WDR73: variants seen among roughly 807,000 people sequenced by gnomAD.
The protein encoded by WDR73 is integrator complex assembly factor WDR73.
A neutral mutation model predicts 38.2 loss-of-function variants in WDR73; 30 were observed. The ratio of observed to expected loss-of-function variants is 0.79; its 90% CI spans 0.59 to 1.06. WDR73 has a LOEUF of 1.06. Ranked by LOEUF, WDR73 falls within the 50% of genes least tolerant of loss-of-function variation. WDR73 has a pLI of 0.00. For synonymous variants in WDR73, 197 were observed against 176.0 expected (o/e 1.12, Z -0.94); for missense variants, 487 against 467.0 (o/e 1.04, Z -0.40).
At chr15:84,645,861 C>G (rs1896438293) in intron 6 of WDR73, 25 bp from the exon 7 acceptor site, 1 of 1,613,130 alleles carries the variant, frequency 6.2e-7, no homozygotes, top group Admixed American at 1.7e-5. Context: ...GCAAAGGAGA[C>G]AAGCGGCTGG....
Position 84,643,508 on chromosome 15 carries a change from G to A in WDR73, c.1099C>T (p.His367Tyr). The A allele has an allele frequency of 1.3e-6, 2 of 1,575,550 alleles. No individual in the cohort carries two copies. Among genetic ancestry groups the A allele is most frequent in the Non-Finnish European group, 8.6e-7 (1 of 1,159,862 alleles). The change falls in exon 8 of 8, where the codon CAT becomes TAT. Residue 367 changes from histidine to tyrosine, a missense_variant. Transcript: ENST00000434634. ...LLSATNDASL[H>Y]VWDWVDLCAP... ...CAAAGGTCCACCCAGTCCCACACATGCAGAGAGGCATCATTTGTTGCTGAT... is the reference window on the plus strand; with the variant it reads ...CAAAGGTCCACCCAGTCCCACACATACAGAGAGGCATCATTTGTTGCTGAT...
chr15:84,648,687 CTAAG>C, intron 3 of WDR73, 62 bp from the exon 4 acceptor site: 1 of 1,340,066 alleles, frequency 7.5e-7, no homozygotes. Flanking sequence ...CAGAGGAACT[CTAAG>C]TGAGGAGTCA....
Position 84,646,220 on chromosome 15 carries a change from C to T in WDR73, c.481G>A (p.Val161Ile), listed in dbSNP as rs368793393. Residue 161 changes from valine (V) to isoleucine (I), a missense_variant, in exon 6 of 8, where the codon GTT becomes ATT. Transcript: ENST00000434634. ...HGARLRSLQVVDLESRKTTYT... is the reference protein window; with the variant it reads ...HGARLRSLQVIDLESRKTTYT... ...GTGGTCTTCCGGGACTCCAGATCAA[C>T]GACCTGCAGACTTCGGAGCCTCGCC... The T allele has an allele frequency of 1.5e-5, 24 of 1,613,868 alleles. No homozygotes were observed. The highest frequency in any genetic ancestry group is 3.3e-5 in the South Asian group (3 of 91,084).
chr15:84,643,931 T>C (rs1896357164), intron 7 of WDR73: 1 of 541,258 alleles, frequency 1.8e-6, no homozygotes, highest in East Asian at 3.8e-5. Context: ...TAATTTGTTC[T>C]ATGGTACCAA....
At chr15:84,646,062 T>C (rs749796420) in intron 6 of WDR73, 122 bp downstream of exon 6, 2 of 1,556,172 alleles carry the variant, frequency 1.3e-6, no homozygotes, top group African/African-American at 2.7e-5. Context: ...GGCTTACCTC[T>C]TATTCACTGT....
intron 3 of WDR73, among the ~76,000 whole-genome samples, chr15:84,651,532 A>G (rs1166110965): frequency 6.6e-6 from 1 of 152,142 alleles, no homozygotes; most frequent in East Asian, 1.9e-4. Flanking sequence ...TCTGATGACT[A>G]ATACCATCCC....
intron 2 of WDR73, 93 bp downstream of exon 2, chr15:84,653,539 C>T: frequency 1.1e-6 from 1 of 886,962 alleles, no homozygotes; most frequent in Admixed American, 2.1e-5. Context: ...CTCAGGTGCC[C>T]AGAAGAGTGG....
In WDR73 at chr15:84,640,724, A is replaced by C. The variant is rs971687620; in HGVS notation, c.*2746T>G. The C allele has an allele frequency of 6.6e-6, 1 of 152,180 alleles. No individual in the cohort carries two copies. The highest frequency in any genetic ancestry group is 1.5e-5 in the Non-Finnish European group (1 of 68,044). 9.4% of individuals were successfully genotyped at this position (152,180 alleles called of 1,614,324 possible). ...TGAAAAATAATAATATTATTAAAAG[A>C]ATTTAAAATAAAGTGTTCCATAGAT... is the stretch of plus-strand genomic sequence containing the variant. On this transcript the variant is annotated 3_prime_UTR_variant, in exon 8 of 8. Coordinates refer to ENST00000434634, the MANE Select transcript of WDR73 (RefSeq NM_032856.5).
In WDR73 at chr15:84,643,441, C is replaced by G; in HGVS notation, c.*29G>C. The G allele has an allele frequency of 6.5e-7, 1 of 1,548,446 alleles. No homozygotes were observed. Among genetic ancestry groups the G allele is most frequent in the East Asian group, 2.4e-5 (1 of 40,922 alleles). On this transcript the variant is annotated 3_prime_UTR_variant, in exon 8 of 8. Transcript: ENST00000434634. ...GCTACTACAGCAGCTCCTCCCCTTT[C>G]TAGAGGCCTAGATGGAAAGATGCTG...
At chr15:84,653,779 C>T in intron 1 of WDR73, 80 bp from the exon 2 acceptor site, 1 of 1,137,634 alleles carries the variant, frequency 8.8e-7, no homozygotes, top group Admixed American at 2.0e-5. Context: ...CCGCATGGTT[C>T]AGTGGCCCAA....
chr15:84,648,907 G>A (rs1896542228), intron 3 of WDR73, among the ~76,000 whole-genome samples: 1 of 152,200 alleles, frequency 6.6e-6, no homozygotes, highest in African/African-American at 2.4e-5. Flanking sequence ...AGAAGCCAGA[G>A]AAGCTTAACA....
In WDR73 at chr15:84,653,711, G is replaced by A; in HGVS notation, c.42-12C>T. The stretch of plus-strand genomic sequence containing the variant: ...AGAAATCCTGGTACCTGCACAAAAG[G>A]GACACAGAATCACACGATGCACAGC... On this transcript the variant is annotated splice_polypyrimidine_tract_variant and intron_variant, in intron 1 of 7. Coordinates refer to ENST00000434634, the MANE Select transcript of WDR73 (RefSeq NM_032856.5). The A allele has an allele frequency of 6.3e-7, 1 of 1,580,938 alleles. No individual in the cohort carries two copies. Among genetic ancestry groups the A allele is most frequent in the South Asian group, 1.2e-5 (1 of 86,440 alleles).
intron 7 of WDR73, chr15:84,644,137 CAG>C (rs1896364590): frequency 6.0e-6 from 1 of 166,626 alleles, no homozygotes; most frequent in African/African-American, 2.4e-5. Context: ...CTGTATGACA[CAG>C]ATACTGTTAT....
intron 4 of WDR73, 117 bp from the exon 5 acceptor site, chr15:84,648,071 C>T (rs371078432): frequency 1.1e-6 from 1 of 871,544 alleles, no homozygotes. Flanking sequence ...CATCTTACTG[C>T]AAGATCATCA....
chr15:84,639,396 A>G lies in WDR73; in HGVS notation c.*4074T>C, dbSNP rs1896189775. On this transcript the variant is annotated 3_prime_UTR_variant, in exon 8 of 8. Transcript: ENST00000434634. ...TTCTTTTCACTGAGCTTTCCCAAGA[A>G]TCCCCCCAGAATTAAAAAAAAAAAA... The G allele has an allele frequency of 6.6e-6, 1 of 151,702 alleles. No homozygotes were observed. The highest frequency in any genetic ancestry group is 1.5e-5 in the Non-Finnish European group (1 of 67,924). The allele number at this position is 151,702 out of a possible 1,614,324, so 9.4% of individuals were successfully genotyped here.
At chr15:84,646,768 G>T (rs1896476691) in intron 5 of WDR73, 1 of 176,718 alleles carries the variant, frequency 5.7e-6, no homozygotes, top group African/African-American at 2.4e-5. Flanking sequence ...GACCTCGAGT[G>T]ACTTGCTAAA....
chr15:84,653,622 G>C lies in WDR73; in HGVS notation c.109+10C>G. Reference sequence around the variant, plus strand: ...ATTCCCTCTCCTTCAGGGCTAGAAAGGTATACCACCTTTGTCATCAATCCA... The same window carrying C: ...ATTCCCTCTCCTTCAGGGCTAGAAACGTATACCACCTTTGTCATCAATCCA... On this transcript the variant is annotated intron_variant, in intron 2 of 7. Transcript: ENST00000434634. 6.3e-7 allele frequency: 1 copy of C among 1,580,624 alleles called. No homozygotes were observed. The highest frequency in any genetic ancestry group is 8.6e-7 in the Non-Finnish European group (1 of 1,161,712).
chr15:84,646,398 A>T (rs775887089), intron 5 of WDR73, 50 bp from the exon 6 acceptor site: 5 of 1,570,708 alleles, frequency 3.2e-6, no homozygotes, highest in Non-Finnish European at 4.3e-6. Flanking sequence ...GAAGGTTTGA[A>T]ACATGACAGG....
At chr15:84,645,278 A>T in intron 7 of WDR73, 193 bp downstream of exon 7, 2 of 1,489,976 alleles carry the variant, frequency 1.3e-6, no homozygotes, top group East Asian at 5.1e-5. Flanking sequence ...CCTGCTGCCA[A>T]TGTGTGGAAG....
Sources: allele counts gnomAD v4.1 joint callset (sites outside exome capture counted in the v4.1 genomes callset), GRCh38; gene constraint gnomAD v4.1.1; transcripts MANE v1.5; gene names NCBI Gene and HGNC (gene_info 2026-07-23, HGNC 2026-07-21).